ZNF705B: variants seen among roughly 807,000 people sequenced by gnomAD.
ZNF705B encodes zinc finger protein 705B, also known as Putative zinc finger protein 705D-like protein LOC100132396.
A neutral mutation model predicts 10.5 loss-of-function variants in ZNF705B; 1 was observed. The ratio of observed to expected loss-of-function variants is 0.10; its 90% CI spans 0.03 to 0.45. ZNF705B has a LOEUF of 0.45. Ranked by LOEUF, ZNF705B falls within the 20% of genes least tolerant of loss-of-function variation. The pLI, the probability that ZNF705B is intolerant of heterozygous loss-of-function variation, is 0.97. For synonymous variants in ZNF705B, 4 were observed against 25.4 expected, an observed-to-expected ratio of 0.16 and a Z score of 2.53; for missense variants, 14 against 84.0, an observed-to-expected ratio of 0.17 and a Z score of 3.26.
At chr8:7,928,673 C>T (rs7012711) in intron 1 of ZNF705B, among the ~76,000 whole-genome samples, 86,005 of 86,008 alleles carry the variant, frequency 1, 43,002 homozygotes, top group Non-Finnish European at 1. Flanking sequence ...GCCCCTAATG[C>T]GTCACCTAGT....
At chr8:7,933,998 T>G (rs1244502112) in intron 2 of ZNF705B, among the ~76,000 whole-genome samples, 126 of 133,340 alleles carry the variant, frequency 9.4e-4, no homozygotes, top group Non-Finnish European at 1.6e-3. Flanking sequence ...TGGAGTGCAG[T>G]GTCGGGATCT....
chr8:7,941,222 G>A (rs1328060957), intron 2 of ZNF705B, among the ~76,000 whole-genome samples: 5 of 145,298 alleles, frequency 3.4e-5, no homozygotes, highest in Admixed American at 2.1e-4. Flanking sequence ...GGATTGCTGG[G>A]TCAAGCGGTA....
intron 2 of ZNF705B, among the ~76,000 whole-genome samples, chr8:7,933,055 C>G: frequency 8.4e-6 from 1 of 118,908 alleles, no homozygotes; most frequent in Non-Finnish European, 2.0e-5. Flanking sequence ...ATTGAGGTTT[C>G]CTGTGAAATT....
intron 1 of ZNF705B, among the ~76,000 whole-genome samples, chr8:7,928,665 C>A (rs1819762881): frequency 1.0e-5 from 1 of 95,580 alleles, no homozygotes; most frequent in Non-Finnish European, 2.5e-5. Context: ...ACTCTTTGGC[C>A]CCTAATGCGT....
In ZNF705B at chr8:7,932,976, C is replaced by T. The variant is rs1441013930; in HGVS notation, c.-72+2540C>T. 1.7e-5 allele frequency among the ~76,000 whole-genome samples: 2 copies of T among 114,700 alleles called. 1 individual carries two copies. The highest frequency in any genetic ancestry group is 4.2e-5 in the Non-Finnish European group (2 of 48,052). 75.2% of individuals were successfully genotyped at this position (114,700 alleles called of 152,430 possible). A position where few individuals can be genotyped will look rare whatever the true frequency, so the allele number is the denominator to read the frequency against. Reference sequence around the variant, plus strand: ...GTAGGCAGAATAATGTCCCCTCTGTCTCCCGCCAAAGCTATCCACATCCTA... The same window carrying T: ...GTAGGCAGAATAATGTCCCCTCTGTTTCCCGCCAAAGCTATCCACATCCTA... On this transcript the variant is annotated intron_variant, in intron 2 of 6. Coordinates refer to ENST00000400120, the MANE Select transcript of ZNF705B (RefSeq NM_001193630.1).
At chr8:7,929,526 C>T (rs1446527076) in intron 1 of ZNF705B, among the ~76,000 whole-genome samples, 2 of 121,694 alleles carry the variant, frequency 1.6e-5, no homozygotes, top group South Asian at 5.6e-4. Flanking sequence ...GAAAATCCAC[C>T]AGAAAATGCA....
intron 2 of ZNF705B, among the ~76,000 whole-genome samples, chr8:7,931,969 G>A (rs1819861810): frequency 1.6e-5 from 2 of 121,596 alleles, no homozygotes; most frequent in African/African-American, 5.0e-5. Context: ...AGATTCAGGG[G>A]CTGTTGGGCC....
In ZNF705B at chr8:7,929,026, G is replaced by T. The variant is rs559582454; in HGVS notation, c.-221-1261G>T. On this transcript the variant is annotated intron_variant, in intron 1 of 6. Transcript: ENST00000400120. ...AGGTGACAGGTGTACTAAAATCTCA[G>T]AATTCACCGCTATATAATTCATCCA... Among the ~76,000 whole-genome samples the T allele has an allele frequency of 2.5e-5, 3 of 120,030 alleles. 1 individual carries two copies. The highest frequency in any genetic ancestry group is 6.0e-5 in the Non-Finnish European group (3 of 50,130). The allele number at this position is 120,030 out of a possible 152,430, so 78.7% of individuals were successfully genotyped here.
At chr8:7,927,320 T>C (rs1418997418) in intron 1 of ZNF705B, among the ~76,000 whole-genome samples, 1 of 120,982 alleles carries the variant, frequency 8.3e-6, no homozygotes. Context: ...CCAGGCCTTA[T>C]GGAGGAAAGT....
At chr8:7,930,847 T>TG in intron 2 of ZNF705B, among the ~76,000 whole-genome samples, 1 of 73,468 alleles carries the variant, frequency 1.4e-5, no homozygotes, top group Admixed American at 1.4e-4. Flanking sequence ...ATTTTTTTTG[T>TG]TTTTTTTTTT....
intron 2 of ZNF705B, among the ~76,000 whole-genome samples, chr8:7,937,426 C>T (rs1343323715): frequency 1.9e-5 from 2 of 105,638 alleles, no homozygotes; most frequent in African/African-American, 5.5e-5. Context: ...CATGCTTCTG[C>T]CTGTGCTGTT....
intron 2 of ZNF705B, among the ~76,000 whole-genome samples, chr8:7,941,152 G>C (rs1820147102): frequency 6.8e-6 from 1 of 146,960 alleles, no homozygotes; most frequent in African/African-American, 2.5e-5. Context: ...ATGAACATAT[G>C]TGTGCATGTA....
intron 2 of ZNF705B, among the ~76,000 whole-genome samples, chr8:7,930,846 G>GTTTTTTTTTTTTT (rs5889212): frequency 1.4e-5 from 1 of 72,798 alleles, no homozygotes; most frequent in Non-Finnish European, 3.8e-5. Context: ...TATTTTTTTT[G>GTTTTTTTTTTTTT]TTTTTTTTTT....
At chr8:7,940,609 G>A (rs544000325) in intron 2 of ZNF705B, among the ~76,000 whole-genome samples, 11 of 137,296 alleles carry the variant, frequency 8.0e-5, no homozygotes, top group African/African-American at 1.6e-4. Flanking sequence ...CAGCACCAGG[G>A]CCCCTGGCAA....
rs573135714 is a variant in ZNF705B at position 7,929,509 on chromosome 8, C to T, written c.-221-778C>T. Among the ~76,000 whole-genome samples the T allele has an allele frequency of 4.4e-4, 54 of 121,570 alleles. 5 individuals are homozygous for T. Among genetic ancestry groups the T allele is most frequent in the Admixed American group, 3.0e-3 (32 of 10,846 alleles). The allele number at this position is 121,570 out of a possible 152,430, so 79.8% of individuals were successfully genotyped here. A position where few individuals can be genotyped will look rare whatever the true frequency, so the allele number is the denominator to read the frequency against. ...AGGCACCAAACCTCAGAGCCATAAG[C>T]AGAAATGAAAATCCACCAGAAAATG... On this transcript the variant is annotated intron_variant, in intron 1 of 6. Coordinates refer to ENST00000400120, the MANE Select transcript of ZNF705B (RefSeq NM_001193630.1).
At position 7,929,988 on chromosome 8, in the gene ZNF705B, A is replaced by T. The variant is rs1313883181; in HGVS notation, c.-221-299A>T. ...TTACTCTATGTATGTTCATTTTTTT[A>T]AAATTTCAACTTATTTTAGATACAG... is the stretch of plus-strand genomic sequence containing the variant. On this transcript the variant is annotated intron_variant, in intron 1 of 6. Coordinates refer to ENST00000400120, the MANE Select transcript of ZNF705B (RefSeq NM_001193630.1). Among the ~76,000 whole-genome samples, 6 of 98,732 alleles carry T rather than the reference A, an allele frequency of 6.1e-5. 1 individual carries two copies. The highest frequency in any genetic ancestry group is 6.0e-4 in the East Asian group (2 of 3,356). The allele number at this position is 98,732 out of a possible 152,430, so 64.8% of individuals were successfully genotyped here. A position where few individuals can be genotyped will look rare whatever the true frequency, so the allele number is the denominator to read the frequency against.
At chr8:7,926,500 G>A (rs1262898457) in intron 1 of ZNF705B, 103 bp downstream of exon 1, 1 of 115,918 alleles carries the variant, frequency 8.6e-6, no homozygotes, top group African/African-American at 2.6e-5. Flanking sequence ...GTAGACAACA[G>A]ATTTCAGCCT....
rs1443676257 is a variant in ZNF705B, at chr8:7,935,784, T to G, written c.-72+5348T>G. 3.3e-5 allele frequency among the ~76,000 whole-genome samples: 3 copies of G among 90,558 alleles called. 1 individual carries two copies. Among genetic ancestry groups the G allele is most frequent in the Non-Finnish European group, 8.6e-5 (3 of 34,842 alleles). 59.4% of individuals were successfully genotyped at this position (90,558 alleles called of 152,430 possible). Reference sequence around the variant, plus strand: ...GTAATTGTAAATGTTGACCACTTGGTAGAAACAAGCTGAAATCTGAGTTTT... The same window carrying G: ...GTAATTGTAAATGTTGACCACTTGGGAGAAACAAGCTGAAATCTGAGTTTT... On this transcript the variant is annotated intron_variant, in intron 2 of 6. Transcript: ENST00000400120.
At chr8:7,929,261 T>C (rs1454566896) in intron 1 of ZNF705B, among the ~76,000 whole-genome samples, 1 of 121,760 alleles carries the variant, frequency 8.2e-6, no homozygotes, top group African/African-American at 2.5e-5. Flanking sequence ...AATGCAATTT[T>C]AATCAAAATG....
Sources: gnomAD v4.1 joint callset for allele counts (sites outside exome capture counted in the v4.1 genomes callset) on GRCh38, gnomAD v4.1.1 for gene constraint, MANE v1.5 for transcripts, NCBI Gene and HGNC (gene_info 2026-07-23, HGNC 2026-07-21) for gene names.